The following PPARGC1A variants were observed in gnomAD, a reference collection of about 807,000 sequenced individuals.
The protein encoded by PPARGC1A is peroxisome proliferator-activated receptor gamma coactivator 1-alpha.
A neutral mutation model predicts 88.7 loss-of-function variants in PPARGC1A; 25 were observed. That is an observed-to-expected ratio of 0.28 (90% CI 0.21 to 0.39). The LOEUF (loss-of-function observed/expected upper bound fraction) is 0.39. PPARGC1A is among the 10% of genes least tolerant of loss of function. The pLI is 1.00. For missense variants in PPARGC1A, 880 were observed against 968.7 expected (o/e 0.91, Z 1.22); for synonymous variants, 363 against 355.6 (o/e 1.02, Z -0.24).
chr4:23,913,263 TATATAGAGAG>T, the PPARGC1A span, among the ~76,000 whole-genome samples: 5,504 of 55,612 alleles, frequency 0.099, 116 homozygotes, highest in Non-Finnish European at 0.13. Flanking sequence ...TATATATATA[TATATAGAGAG>T]AGAGAGAGAG....
the PPARGC1A span, among the ~76,000 whole-genome samples, chr4:24,375,453 G>C: frequency 6.6e-6 from 1 of 152,128 alleles, no homozygotes; most frequent in Non-Finnish European, 1.5e-5. Flanking sequence ...GAGTCGAACA[G>C]GGCATAGACC....
the PPARGC1A span, among the ~76,000 whole-genome samples, chr4:24,206,832 C>T: frequency 1.1e-5 from 1 of 89,318 alleles, no homozygotes; most frequent in Non-Finnish European, 1.9e-5. Flanking sequence ...CGGAGAAAGA[C>T]TTCACCTTAA....
chr4:23,868,509 G>A (rs999380865), intron 2 of PPARGC1A, among the ~76,000 whole-genome samples: 2 of 152,162 alleles, frequency 1.3e-5, no homozygotes, highest in Non-Finnish European at 2.9e-5. Flanking sequence ...GAGTTTTAAT[G>A]TGCACAGCTT....
At chr4:24,381,851 C>G in the PPARGC1A span, among the ~76,000 whole-genome samples, 54 of 152,290 alleles carry the variant, frequency 3.5e-4, 2 homozygotes, top group Middle Eastern at 0.017. Context: ...TTTTATAGTA[C>G]AAAGTAGTTG....
At chr4:24,013,357 C>T in the PPARGC1A span, among the ~76,000 whole-genome samples, 2 of 152,094 alleles carry the variant, frequency 1.3e-5, no homozygotes, top group Non-Finnish European at 2.9e-5. Context: ...TCCCCTTTTC[C>T]TTCCCACTCT....
chr4:24,110,807 G>T, the PPARGC1A span, among the ~76,000 whole-genome samples: 3 of 152,080 alleles, frequency 2.0e-5, no homozygotes, highest in Non-Finnish European at 4.4e-5. Flanking sequence ...GATATACGTT[G>T]TATCTATCTT....
the PPARGC1A span, among the ~76,000 whole-genome samples, chr4:23,917,558 C>T: frequency 6.6e-6 from 1 of 150,840 alleles, no homozygotes; most frequent in Non-Finnish European, 1.5e-5. Context: ...CTCCTGACCT[C>T]GTGATCTGCC....
At chr4:24,235,365 G>A in the PPARGC1A span, among the ~76,000 whole-genome samples, 1 of 152,132 alleles carries the variant, frequency 6.6e-6, no homozygotes, top group Non-Finnish European at 1.5e-5. Context: ...GGGCAGACAT[G>A]GTCTTTCAAA....
chr4:24,338,057 G>C, the PPARGC1A span, among the ~76,000 whole-genome samples: 1 of 152,064 alleles, frequency 6.6e-6, no homozygotes, highest in African/African-American at 2.4e-5. Flanking sequence ...GCCTAGCCTT[G>C]CCATTTGGCT....
At chr4:24,167,319 C>T in the PPARGC1A span, among the ~76,000 whole-genome samples, 1 of 152,172 alleles carries the variant, frequency 6.6e-6, no homozygotes, top group African/African-American at 2.4e-5. Context: ...TGAAGAGTTG[C>T]TTCTTCTGAA....
At chr4:24,213,799 A>G in the PPARGC1A span, among the ~76,000 whole-genome samples, 1 of 152,234 alleles carries the variant, frequency 6.6e-6, no homozygotes, top group Non-Finnish European at 1.5e-5. Context: ...TTCTTAATTG[A>G]TTATCTAACA....
At chr4:23,864,811 C>T (rs1711549006) in intron 2 of PPARGC1A, among the ~76,000 whole-genome samples, 1 of 152,212 alleles carries the variant, frequency 6.6e-6, no homozygotes, top group Admixed American at 6.5e-5. Flanking sequence ...TAAAGATCAG[C>T]AGCAAGCTTG....
the PPARGC1A span, among the ~76,000 whole-genome samples, chr4:24,272,101 T>C: frequency 6.6e-6 from 1 of 152,232 alleles, no homozygotes; most frequent in East Asian, 1.9e-4. Context: ...TTCCATGTTT[T>C]CTCCATCTCC....
chr4:24,217,250 T>C, the PPARGC1A span, among the ~76,000 whole-genome samples: 1 of 152,344 alleles, frequency 6.6e-6, no homozygotes, highest in East Asian at 1.9e-4. Flanking sequence ...TAAAGAATTG[T>C]AGCCCTGCTT....
intron 1 of PPARGC1A, among the ~76,000 whole-genome samples, chr4:23,896,592 G>C (rs1436766046): frequency 6.6e-6 from 1 of 152,124 alleles, no homozygotes; most frequent in African/African-American, 2.4e-5. Context: ...GCTTGCCTCA[G>C]AGGTAGACCC....
At chr4:23,891,680 A>T (rs1717860639), upstream of PPARGC1A, among the ~76,000 whole-genome samples, 2 of 152,234 alleles carry the variant, frequency 1.3e-5, no homozygotes, top group African/African-American at 2.4e-5. Context: ...GGGCATAAAA[A>T]GGTGGCCAAG....
chr4:24,290,031 G>A, the PPARGC1A span, among the ~76,000 whole-genome samples: 1 of 152,108 alleles, frequency 6.6e-6, no homozygotes, highest in Admixed American at 6.5e-5. Context: ...TCCCATTTAT[G>A]AAACCATCAG....
the PPARGC1A span, among the ~76,000 whole-genome samples, chr4:24,143,626 A>G: frequency 2.0e-5 from 3 of 151,944 alleles, no homozygotes; most frequent in Non-Finnish European, 4.4e-5. Context: ...TGATAGATAG[A>G]TAGATAGATG....
the PPARGC1A span, among the ~76,000 whole-genome samples, chr4:23,910,006 C>G: frequency 1.4e-4 from 21 of 148,756 alleles, no homozygotes; most frequent in Non-Finnish European, 2.2e-4. Context: ...GAAAATTGTT[C>G]TTTAATCCAT....
Sources: gnomAD v4.1 joint callset for allele counts (sites outside exome capture counted in the v4.1 genomes callset) on GRCh38, gnomAD v4.1.1 for gene constraint, MANE v1.5 for transcripts, NCBI Gene and HGNC (gene_info 2026-07-23, HGNC 2026-07-21) for gene names.